The following SLC9A7 variants were observed in gnomAD, a reference collection of about 807,000 sequenced individuals.
The protein encoded by SLC9A7 is sodium/hydrogen exchanger 7.
SLC9A7 carries 19 observed loss-of-function variants against 52.6 expected under a neutral mutation model. That is an observed-to-expected ratio of 0.36 (90% CI 0.25 to 0.53). The LOEUF is 0.53. Among genes scored for constraint, SLC9A7 ranks in the 20% least tolerant of loss-of-function variants. The pLI, the probability that SLC9A7 is intolerant of heterozygous loss-of-function variation, is 0.91. For synonymous variants in SLC9A7, 226 were observed against 252.1 expected (o/e 0.90, Z 0.98); for missense variants, 455 against 597.9 (o/e 0.76, Z 2.49).
chrX:46,605,298 AC>A lies in SLC9A7; in HGVS notation c.*1653del, dbSNP rs1218740668. Reference sequence around the variant, plus strand: ...AATAAGCTAGCACTGAAGCACAGAGACATTAAGAGAAACTCAAACTTTTCCC... The same window carrying A: ...AATAAGCTAGCACTGAAGCACAGAGAATTAAGAGAAACTCAAACTTTTCCC... On this transcript the variant is annotated 3_prime_UTR_variant, in exon 17 of 17. Coordinates refer to ENST00000616978, the MANE Select transcript of SLC9A7 (RefSeq NM_001257291.2). 1 of 111,878 alleles carries A rather than the reference AC, an allele frequency of 8.9e-6. No homozygotes were observed. The highest frequency in any genetic ancestry group is 1.9e-5 in the Non-Finnish European group (1 of 53,147). The allele number at this position is 111,878 out of a possible 1,213,427, so 9.2% of individuals were successfully genotyped here.
chrX:46,607,376 G>A (rs1942766867), intron 16 of SLC9A7, among the ~76,000 whole-genome samples, 173 bp from the exon 17 acceptor site: 1 of 111,194 alleles, frequency 9.0e-6, no homozygotes, highest in Non-Finnish European at 1.9e-5. Flanking sequence ...GGCCGGGCAC[G>A]GTTGCCAGGA....
At chrX:46,607,668 A>G (rs1942772871) in intron 16 of SLC9A7, among the ~76,000 whole-genome samples, 1 of 111,271 alleles carries the variant, frequency 9.0e-6, no homozygotes, top group Non-Finnish European at 1.9e-5. Context: ...AATTCAGGGA[A>G]GAGGACAAGC....
rs1307282029 is a variant in SLC9A7, at chrX:46,599,509, T to TA, written c.*7442dup. The TA allele has an allele frequency of 8.9e-6, 1 of 112,121 alleles. No homozygotes were observed. Among genetic ancestry groups the TA allele is most frequent in the Non-Finnish European group, 1.9e-5 (1 of 53,263 alleles). The allele number at this position is 112,121 out of a possible 1,213,427, so 9.2% of individuals were successfully genotyped here. A position where few individuals can be genotyped will look rare whatever the true frequency, so the allele number is the denominator to read the frequency against. ...TGTTTTATTTTGAGTTTTGTTTTTT[T>TA]AAAAAAAGAAAAGCTTTGAGAAAAT... On this transcript the variant is annotated 3_prime_UTR_variant, in exon 17 of 17. Transcript: ENST00000616978.
chrX:46,747,929 A>C (rs1731434621), intron 1 of SLC9A7, among the ~76,000 whole-genome samples: 1 of 112,004 alleles, frequency 8.9e-6, no homozygotes, highest in African/African-American at 3.2e-5. Flanking sequence ...ATCTTTGTGC[A>C]TTGTGGTGGG....
At position 46,662,134 on chromosome X, in the gene SLC9A7, G is replaced by A. The variant is rs146304021; in HGVS notation, c.923C>T (p.Ala308Val). 37 of 1,206,183 alleles carry A rather than the reference G, an allele frequency of 3.1e-5. No individual in the cohort carries two copies. Among genetic ancestry groups the A allele is most frequent in the Middle Eastern group, 2.3e-4 (1 of 4,349 alleles). The change falls in exon 7 of 17, where the codon GCG becomes GTG. Residue 308 changes from alanine to valine, a missense_variant. Ala to Val is a moderately conservative substitution (Grantham distance 64). Around this residue, in one of 3 missense-constraint regions of SLC9A7, gnomAD observed 304 missense variants for 417.8 expected, o/e 0.73. Transcript: ENST00000616978. ...ATCAAAGGCGTGAGTGTTCAGTCCC[G>A]CTGGCTGGTAGGCAACAATAGACCT... ...LSSSIVAYQP[A>V]GLNTHAFDAA... is the part of the protein sequence containing the mutation.
intron 1 of SLC9A7, among the ~76,000 whole-genome samples, chrX:46,740,666 A>G (rs990043685): frequency 1.8e-5 from 2 of 111,412 alleles, no homozygotes; most frequent in Admixed American, 1.9e-4. Flanking sequence ...TACAATAGCC[A>G]CAAACAAATA....
chrX:46,665,569 A>AAAAAAAAAAAG (rs1208489298), intron 5 of SLC9A7, among the ~76,000 whole-genome samples: 1 of 109,363 alleles, frequency 9.1e-6, no homozygotes, highest in African/African-American at 3.3e-5. Context: ...AAAAAAAAAA[A>AAAAAAAAAAAG]AAAAAAAAAA....
At chrX:46,657,935 C>T (rs1943732869) in intron 7 of SLC9A7, among the ~76,000 whole-genome samples, 1 of 108,049 alleles carries the variant, frequency 9.3e-6, no homozygotes, top group African/African-American at 3.4e-5. Context: ...TTCAGCACCA[C>T]ACCACACCTA....
At chrX:46,610,768 T>G (rs1942835131) in intron 16 of SLC9A7, among the ~76,000 whole-genome samples, 1 of 112,187 alleles carries the variant, frequency 8.9e-6, no homozygotes, top group Non-Finnish European at 1.9e-5. Flanking sequence ...GAGAAGCACT[T>G]GAAATTGATG....
intron 1 of SLC9A7, among the ~76,000 whole-genome samples, chrX:46,732,692 T>C (rs142331732): frequency 8.9e-6 from 1 of 112,205 alleles, no homozygotes; most frequent in East Asian, 2.8e-4. Context: ...TCATCTAAAA[T>C]TGCAAATGCA....
At chrX:46,653,868 A>C in intron 7 of SLC9A7, 154 bp from the exon 8 acceptor site, 1 of 403,725 alleles carries the variant, frequency 2.5e-6, no homozygotes. Flanking sequence ...GAGATTTCTT[A>C]AGTAATACAA....
chrX:46,627,293 G>A (rs1204846220), intron 14 of SLC9A7, among the ~76,000 whole-genome samples: 1 of 110,478 alleles, frequency 9.1e-6, no homozygotes, highest in Non-Finnish European at 1.9e-5. Flanking sequence ...CAGCCTTGGC[G>A]TCAGAGGGAA....
intron 1 of SLC9A7, among the ~76,000 whole-genome samples, chrX:46,683,510 G>A (rs924072612): frequency 9.0e-6 from 1 of 111,411 alleles, no homozygotes; most frequent in African/African-American, 3.3e-5. Flanking sequence ...CTGTAGCTAT[G>A]AGATGGCTAA....
chrX:46,607,557 C>G (rs1015565720), intron 16 of SLC9A7, among the ~76,000 whole-genome samples: 2 of 111,498 alleles, frequency 1.8e-5, no homozygotes, highest in Non-Finnish European at 3.8e-5. Context: ...GTTTCAGGTA[C>G]TGTCTTCTCT....
intron 1 of SLC9A7, among the ~76,000 whole-genome samples, chrX:46,734,326 A>G (rs867798336): frequency 1.8e-5 from 2 of 111,962 alleles, no homozygotes; most frequent in East Asian, 2.8e-4. Flanking sequence ...TAAAAGCACT[A>G]CAGTAACTAC....
At chrX:46,678,552 A>G (rs982801257) in intron 3 of SLC9A7, among the ~76,000 whole-genome samples, 1 of 107,188 alleles carries the variant, frequency 9.3e-6, no homozygotes, top group Non-Finnish European at 1.9e-5. Flanking sequence ...CCCACCTCAG[A>G]CTCCTCCAAG....
At chrX:46,736,379 T>C (rs1256338748) in intron 1 of SLC9A7, among the ~76,000 whole-genome samples, 1 of 112,050 alleles carries the variant, frequency 8.9e-6, no homozygotes, top group Admixed American at 9.5e-5. Context: ...ATATTAATCA[T>C]AGTTTAAAAA....
At chrX:46,660,702 A>T (rs1943799313) in intron 7 of SLC9A7, among the ~76,000 whole-genome samples, 1 of 109,787 alleles carries the variant, frequency 9.1e-6, no homozygotes, top group South Asian at 4.1e-4. Context: ...AATGGCCATC[A>T]TTAAAAAGTC....
intron 16 of SLC9A7, among the ~76,000 whole-genome samples, chrX:46,608,697 G>A (rs894403856): frequency 1.8e-5 from 2 of 111,668 alleles, no homozygotes; most frequent in African/African-American, 6.5e-5. Flanking sequence ...CCAGGCTGGA[G>A]TGCAATGGTG....
Sources: allele counts gnomAD v4.1 joint callset (sites outside exome capture counted in the v4.1 genomes callset), GRCh38; gene constraint gnomAD v4.1.1; regional missense constraint gnomAD v4.1.1; transcripts MANE v1.5; gene names NCBI Gene and HGNC (gene_info 2026-07-23, HGNC 2026-07-21).